Variants in GLS2 observed in about 807,000 individuals in gnomAD.
The protein encoded by GLS2 is glutaminase liver isoform, mitochondrial.
Under a neutral mutation model 79.0 loss-of-function variants are expected in GLS2, and 52 were observed. The ratio of observed to expected loss-of-function variants is 0.66; its 90% CI spans 0.53 to 0.83. GLS2 has a LOEUF of 0.83. Among genes scored for constraint, GLS2 ranks in the 40% least tolerant of loss-of-function variants. The pLI is 0.00. For missense variants in GLS2, 561 were observed against 764.8 expected (o/e 0.73, Z 3.14); for synonymous variants, 238 against 280.8 (o/e 0.85, Z 1.52).
chr12:56,477,033 T>C (rs1869888494), intron 7 of GLS2: 1 of 152,206 alleles, frequency 6.6e-6, no homozygotes, highest in Admixed American at 6.5e-5. Flanking sequence ...TGCTTACTCA[T>C]GTGTCAACTA....
In GLS2 at chr12:56,474,896, A is replaced by T; in HGVS notation, c.997T>A (p.Cys333Ser). ...ATCATGTCCACCCCCTTAGGAAAGC[A>T]CTGCAAGGAAGAGAGGGGAGAGCAT... is the stretch of plus-strand genomic sequence containing the variant. Reference protein sequence around the residue: ...AIGYYLKEKKCFPKGVDMMAA... With the variant: ...AIGYYLKEKKSFPKGVDMMAA... Residue 333 changes from cysteine to serine, a missense_variant and splice_region_variant, in exon 11 of 18, where the codon TGC (cysteine) becomes AGC (serine). Around this residue, in one of 4 missense-constraint regions of GLS2, gnomAD observed 221 missense variants for 275.6 expected, o/e 0.80. Transcript: ENST00000311966. 6.2e-7 allele frequency: 1 copy of T among 1,614,122 alleles called. No individual in the cohort carries two copies. Among genetic ancestry groups the T allele is most frequent in the Non-Finnish European group, 8.5e-7 (1 of 1,180,012 alleles).
rs774588685 is a variant in GLS2 at position 56,473,543 on chromosome 12, G to GT, written c.1275dup (p.Pro426ThrfsTer21). Reference sequence around the variant, plus strand: ...AGGCACATCATTCCCATGACATTGGGTACCACCAGGAGGATGGCTCCTGAT... The same window carrying GT: ...AGGCACATCATTCCCATGACATTGGGTTACCACCAGGAGGATGGCTCCTGAT... On this transcript the variant is annotated frameshift_variant, in exon 13 of 18. Transcript: ENST00000311966. LOFTEE classifies it high-confidence loss of function. The GT allele has an allele frequency of 4.3e-6, 7 of 1,613,466 alleles. No individual in the cohort carries two copies. The highest frequency in any genetic ancestry group is 5.1e-6 in the Non-Finnish European group (6 of 1,179,996).
At chr12:56,486,330 C>T (rs1217624303) in intron 1 of GLS2, among the ~76,000 whole-genome samples, 1 of 152,202 alleles carries the variant, frequency 6.6e-6, no homozygotes, top group Non-Finnish European at 1.5e-5. Flanking sequence ...AGGGATACCT[C>T]TAGTTCCCTA....
chr12:56,488,129 G>C lies in GLS2; in HGVS notation c.-11C>G. On this transcript the variant is annotated 5_prime_UTR_variant, in exon 1 of 18. Coordinates refer to ENST00000311966, the MANE Select transcript of GLS2 (RefSeq NM_013267.4). ...CTTCATGGAGCGCATGCCCCAGCAA[G>C]CCTCCGGCTCTGCAGGTGCGCCCGG... The C allele has an allele frequency of 1.3e-6, 2 of 1,524,946 alleles. No individual in the cohort carries two copies. Among genetic ancestry groups the C allele is most frequent in the Non-Finnish European group, 1.7e-6 (2 of 1,144,710 alleles). The allele number at this position is 1,524,946 out of a possible 1,614,324, so 94.5% of individuals were successfully genotyped here. A position where few individuals can be genotyped will look rare whatever the true frequency, so the allele number is the denominator to read the frequency against.
At position 56,479,157 on chromosome 12, in the gene GLS2, G is replaced by T. The variant is rs755803526; in HGVS notation, c.429C>A (p.Leu143=). ...ACTTCTTTCGGAATGCCTGGGTCAG[G>T]AGCACAATGTTGCTGCTCACACACC... ...FRKCVSSNIV[L]LTQAFRKKFV... The change falls in exon 4 of 18, where the codon CTC becomes CTA. Residue 143 remains leucine (L), a synonymous_variant. Coordinates refer to ENST00000311966, the MANE Select transcript of GLS2 (RefSeq NM_013267.4). The T allele has an allele frequency of 9.9e-6, 16 of 1,613,768 alleles. No homozygotes were observed. Among genetic ancestry groups the T allele is most frequent in the Non-Finnish European group, 1.4e-5 (16 of 1,180,022 alleles).
chr12:56,473,393 A>T lies in GLS2; in HGVS notation c.1356+70T>A. ...TAGGAGCTCAAAATTGCTTTATTAT[A>T]GTAAAAGTGGTACCATTAAACAAAT... On this transcript the variant is annotated intron_variant, in intron 13 of 17. Coordinates refer to ENST00000311966, the MANE Select transcript of GLS2 (RefSeq NM_013267.4). 2.5e-6 allele frequency: 4 copies of T among 1,605,302 alleles called. No homozygotes were observed. The South Asian group carries it at 4.4e-5, about 18-fold the overall frequency.
chr12:56,475,954 C>T lies in GLS2; in HGVS notation c.861G>A (p.Lys287=), dbSNP rs1869771604. ...LIKMDCNKAE[K]FDFVLQYLNK... ...TAGCAAGGGAACTTACAAAATCAAA[C>T]TTCTCTGCTTTGTTACAGTCCATCT... The change falls in exon 8 of 18, where the codon AAG becomes AAA. Residue 287 remains lysine, a synonymous_variant. Coordinates refer to ENST00000311966, the MANE Select transcript of GLS2 (RefSeq NM_013267.4). The T allele has an allele frequency of 6.2e-7, 1 of 1,613,780 alleles. No homozygotes were observed. Among genetic ancestry groups the T allele is most frequent in the South Asian group, 1.1e-5 (1 of 91,080 alleles).
chr12:56,473,745 C>G, intron 12 of GLS2, 151 bp from the exon 13 acceptor site: 2 of 885,034 alleles, frequency 2.3e-6, no homozygotes, highest in Non-Finnish European at 3.3e-6. Flanking sequence ...TCTTTTATTA[C>G]TCCTGTCCTT....
At chr12:56,473,801 A>G in intron 12 of GLS2, 1 of 594,486 alleles carries the variant, frequency 1.7e-6, no homozygotes, top group Non-Finnish European at 2.8e-6. Flanking sequence ...ATTTTTTGAA[A>G]TACTTACAGC....
intron 11 of GLS2, 36 bp downstream of exon 11, chr12:56,474,810 G>T (rs751517700): frequency 2.0e-5 from 33 of 1,613,400 alleles, no homozygotes; most frequent in Admixed American, 3.3e-5. Flanking sequence ...AGGACAGTCT[G>T]TCCTGTTCCC....
In GLS2 at chr12:56,483,237, C is replaced by T. The variant is rs1420445017; in HGVS notation, c.183-2850G>A. 7.9e-5 allele frequency among the ~76,000 whole-genome samples: 12 copies of T among 151,424 alleles called. No homozygotes were observed. The South Asian group carries it at 1.3e-3, about 16-fold the overall frequency. On this transcript the variant is annotated intron_variant, in intron 1 of 17. Coordinates refer to ENST00000311966, the MANE Select transcript of GLS2 (RefSeq NM_013267.4). ...CTGGGATTACAGGCACGTGCCACCA[C>T]GCCCAGCTAATTTTTGTATTTTTAG...
At chr12:56,472,882 ATTC>A (rs2136178508) in intron 14 of GLS2, 131 bp from the exon 15 acceptor site, 2 of 544,646 alleles carry the variant, frequency 3.7e-6, no homozygotes, top group Non-Finnish European at 3.1e-6. Flanking sequence ...ACTCTGAAAT[ATTC>A]TTTTTTTTTT....
intron 1 of GLS2, among the ~76,000 whole-genome samples, chr12:56,483,877 T>A (rs1870490784): frequency 6.6e-6 from 1 of 152,310 alleles, no homozygotes; most frequent in South Asian, 2.1e-4. Flanking sequence ...TTTTTTCTTA[T>A]ATCAGTTTTC....
At chr12:56,473,349 ATTTACTCC>A in intron 13 of GLS2, 29 bp from the exon 14 acceptor site, 3 of 1,613,036 alleles carry the variant, frequency 1.9e-6, no homozygotes, top group Non-Finnish European at 2.5e-6. Flanking sequence ...TATATTGTTT[ATTTACTCC>A]TTACACTTAG....
At chr12:56,483,857 G>T (rs1026464127) in intron 1 of GLS2, among the ~76,000 whole-genome samples, 1 of 151,856 alleles carries the variant, frequency 6.6e-6, no homozygotes, top group Non-Finnish European at 1.5e-5. Context: ...TTTTTCATTT[G>T]TTTTTTCTTT....
intron 14 of GLS2, 43 bp from the exon 15 acceptor site, chr12:56,472,794 C>G (rs1275705992): frequency 6.3e-7 from 1 of 1,576,456 alleles, no homozygotes; most frequent in Admixed American, 1.7e-5. Context: ...TTGAACTCAC[C>G]TATGCCAGCT....
chr12:56,473,635 C>T lies in GLS2; in HGVS notation c.1225-41G>A, dbSNP rs1466836631. The T allele has an allele frequency of 8.3e-6, 13 of 1,573,844 alleles. No homozygotes were observed. The Admixed American group carries it at 2.2e-4, about 26-fold the overall frequency. On this transcript the variant is annotated intron_variant, in intron 12 of 17. Coordinates refer to ENST00000311966, the MANE Select transcript of GLS2 (RefSeq NM_013267.4). ...GAAGCTGAGGATAAAGTGGGTGTGCCCCAAATCAGAAAATAAACAAGTTAG... is the reference window on the plus strand; with the variant it reads ...GAAGCTGAGGATAAAGTGGGTGTGCTCCAAATCAGAAAATAAACAAGTTAG...
At chr12:56,485,562 G>T (rs908888436) in intron 1 of GLS2, among the ~76,000 whole-genome samples, 1 of 151,992 alleles carries the variant, frequency 6.6e-6, no homozygotes, top group Non-Finnish European at 1.5e-5. Flanking sequence ...ACTGCACCTG[G>T]CTCTAAATTT....
At chr12:56,478,605 C>T (rs1184300545) in intron 4 of GLS2, 7 of 299,200 alleles carry the variant, frequency 2.3e-5, no homozygotes, top group Admixed American at 4.7e-5. Context: ...CTCTAGGAAT[C>T]GTGTATAGAA....
Sources: gnomAD v4.1 joint callset for allele counts (sites outside exome capture counted in the v4.1 genomes callset) on GRCh38, gnomAD v4.1.1 for gene constraint, gnomAD v4.1.1 regional missense constraint, MANE v1.5 for transcripts, NCBI Gene and HGNC (gene_info 2026-07-23, HGNC 2026-07-21) for gene names.